The following ZNF507 variants were observed in gnomAD, a reference collection of about 807,000 sequenced individuals.
ZNF507 encodes the protein zinc finger protein 507.
In ZNF507, 29 loss-of-function variants were observed where a neutral mutation model predicts 80.0. The observed-to-expected ratio is 0.36, with a 90% confidence interval of 0.27 to 0.49. The LOEUF (loss-of-function observed/expected upper bound fraction) is 0.49. ZNF507 is among the 20% of genes least tolerant of loss of function. The pLI, the probability that ZNF507 is intolerant of heterozygous loss-of-function variation, is 0.98. For synonymous variants in ZNF507, 462 were observed against 422.5 expected, an observed-to-expected ratio of 1.09 and a Z score of -1.15; for missense variants, 1,081 against 1,152.2, an observed-to-expected ratio of 0.94 and a Z score of 0.90.
intron 5 of ZNF507, among the ~76,000 whole-genome samples, chr19:32,367,112 T>C (rs2085598211): frequency 6.6e-6 from 1 of 152,184 alleles, no homozygotes; most frequent in Non-Finnish European, 1.5e-5. Flanking sequence ...CTCAGGAGGC[T>C]TCCAGTCATG....
chr19:32,363,389 G>A (rs1256426366), intron 5 of ZNF507, among the ~76,000 whole-genome samples: 1 of 152,190 alleles, frequency 6.6e-6, no homozygotes. Flanking sequence ...CAAGTTTTCT[G>A]TAGTGGTGAA....
chr19:32,376,524 G>C (rs73565334), intron 5 of ZNF507, among the ~76,000 whole-genome samples: 142 of 152,300 alleles, frequency 9.3e-4, no homozygotes, highest in African/African-American at 3.2e-3. Context: ...CAGGACACGG[G>C]ACCCAACCAC....
At chr19:32,357,723 T>A (rs777407624) in intron 4 of ZNF507, 2 of 152,220 alleles carry the variant, frequency 1.3e-5, no homozygotes, top group Admixed American at 6.5e-5. Flanking sequence ...TTGTTTCCTT[T>A]TTACAAAATA....
intron 5 of ZNF507, among the ~76,000 whole-genome samples, chr19:32,380,861 T>C (rs1264111680): frequency 6.6e-6 from 1 of 151,966 alleles, no homozygotes; most frequent in African/African-American, 2.4e-5. Context: ...CCCGGGAGTT[T>C]GAGACTGTAG....
intron 3 of ZNF507, 66 bp downstream of exon 3, chr19:32,355,023 AGATCT>A (rs1967233792): frequency 2.8e-6 from 4 of 1,427,438 alleles, no homozygotes; most frequent in Non-Finnish European, 3.7e-6. Context: ...GGAACTTTGT[AGATCT>A]AATCCAATCA....
At chr19:32,346,796 A>G (rs150962414) in intron 1 of ZNF507, among the ~76,000 whole-genome samples, 1 of 152,376 alleles carries the variant, frequency 6.6e-6, no homozygotes, top group African/African-American at 2.4e-5. Flanking sequence ...CTGCGTTAGA[A>G]GATATATAGG....
intron 2 of ZNF507, among the ~76,000 whole-genome samples, chr19:32,347,705 A>T (rs1967114442): frequency 6.6e-6 from 1 of 151,994 alleles, no homozygotes. Flanking sequence ...CTAGACTTGC[A>T]CCTCATGGGC....
At chr19:32,349,272 G>T (rs1435462127) in intron 2 of ZNF507, among the ~76,000 whole-genome samples, 1 of 152,192 alleles carries the variant, frequency 6.6e-6, no homozygotes, top group Non-Finnish European at 1.5e-5. Flanking sequence ...AGAGGACAGG[G>T]GAGCCTAGTG....
chr19:32,347,157 T>C (rs1052233071), intron 1 of ZNF507, 88 bp from the exon 2 acceptor site: 1 of 152,274 alleles, frequency 6.6e-6, no homozygotes. Context: ...TATTGAGAAA[T>C]TTTTCACTGC....
rs1967191071 is a variant in ZNF507, at chr19:32,353,016, A to G, written c.186A>G (p.Lys62=). 1.9e-6 allele frequency: 3 copies of G among 1,613,856 alleles called. No individual in the cohort carries two copies. The African/African-American group carries it at 4.0e-5, about 22-fold the overall frequency. Residue 62 remains lysine (K), a synonymous_variant, in exon 3 of 7, where the codon AAA becomes AAG. Coordinates refer to ENST00000355898, the MANE Select transcript of ZNF507 (RefSeq NM_001136156.2). ...TAGTGGAAAATGAAAAGTCACAAAA[A>G]TGTCTTTTAATTGGGAAGAAACGCC... ...SKIVENEKSQ[K]CLLIGKKRPR...
Position 32,386,433 on chromosome 19 carries a change from T to C in ZNF507, c.*3350T>C, listed in dbSNP as rs551663942. The stretch of plus-strand genomic sequence containing the variant: ...GTGCTCTAAGTAATATTCGATAAAA[T>C]ATATTTAATAGAAATTTGCGTTTGA... On this transcript the variant is annotated 3_prime_UTR_variant, in exon 7 of 7. Coordinates refer to ENST00000355898, the MANE Select transcript of ZNF507 (RefSeq NM_001136156.2). The C allele has an allele frequency of 6.5e-6, 1 of 152,748 alleles. No individual in the cohort carries two copies. The highest frequency in any genetic ancestry group is 6.5e-5 in the Admixed American group (1 of 15,300). The allele number at this position is 152,748 out of a possible 1,614,324, so 9.5% of individuals were successfully genotyped here.
rs1967690148 is a variant in ZNF507 at position 32,386,391 on chromosome 19, T to A, written c.*3308T>A. The stretch of plus-strand genomic sequence containing the variant: ...TTTCATAGACACTTATTTAATCTTT[T>A]TAAATTGTACAGCAAGGTGCTCTAA... On this transcript the variant is annotated 3_prime_UTR_variant, in exon 7 of 7. Coordinates refer to ENST00000355898, the MANE Select transcript of ZNF507 (RefSeq NM_001136156.2). The A allele has an allele frequency of 6.6e-6, 1 of 152,626 alleles. No homozygotes were observed. The highest frequency in any genetic ancestry group is 1.9e-4 in the East Asian group (1 of 5,206). 9.5% of individuals were successfully genotyped at this position (152,626 alleles called of 1,614,324 possible). A position where few individuals can be genotyped will look rare whatever the true frequency, so the allele number is the denominator to read the frequency against.
In ZNF507 at chr19:32,360,521, C is replaced by T; in HGVS notation, c.2263C>T (p.Gln755Ter). ...TTGTCTAGGGAATAAGTCTTCAGTC[C>T]AGAAACAATATAGATGTGATGTGTG... is the stretch of plus-strand genomic sequence containing the variant. ...CVQEGNKSSV[Q>*]KQYRCDVCDY... The change falls in exon 5 of 7, where the codon CAG (glutamine) becomes TAG (stop). Residue 755 changes from glutamine to a stop codon, truncating the protein, a stop_gained. Coordinates refer to ENST00000355898, the MANE Select transcript of ZNF507 (RefSeq NM_001136156.2). LOFTEE classifies it high-confidence loss of function. 1 of 1,578,262 alleles carries T rather than the reference C, an allele frequency of 6.3e-7. No homozygotes were observed. The highest frequency in any genetic ancestry group is 8.6e-7 in the Non-Finnish European group (1 of 1,164,838).
chr19:32,364,030 C>T (rs752198960), intron 5 of ZNF507, among the ~76,000 whole-genome samples: 1 of 152,180 alleles, frequency 6.6e-6, no homozygotes, highest in Non-Finnish European at 1.5e-5. Context: ...AATACTTCCC[C>T]GCTCATAAGG....
chr19:32,386,408 G>A lies in ZNF507; in HGVS notation c.*3325G>A, dbSNP rs1175633380. ...TAATCTTTTTAAATTGTACAGCAAG[G>A]TGCTCTAAGTAATATTCGATAAAAT... is the stretch of plus-strand genomic sequence containing the variant. On this transcript the variant is annotated 3_prime_UTR_variant, in exon 7 of 7. Coordinates refer to ENST00000355898, the MANE Select transcript of ZNF507 (RefSeq NM_001136156.2). 6.6e-6 allele frequency: 1 copy of A among 152,600 alleles called. No homozygotes were observed. The highest frequency in any genetic ancestry group is 3.4e-3 in the Middle Eastern group (1 of 294). 9.5% of individuals were successfully genotyped at this position (152,600 alleles called of 1,614,324 possible).
At position 32,353,557 on chromosome 19, in the gene ZNF507, G is replaced by C. The variant is rs757124179; in HGVS notation, c.727G>C (p.Glu243Gln). 1.9e-6 allele frequency: 3 copies of C among 1,614,198 alleles called. No individual in the cohort carries two copies. The highest frequency in any genetic ancestry group is 2.5e-6 in the Non-Finnish European group (3 of 1,180,042). ...GGGTAGGAGGAAATGGTATGCATAC[G>C]AACAGTACGGCATGTATCGATGCTT... is the stretch of plus-strand genomic sequence containing the variant. ...EMGRRKWYAY[E>Q]QYGMYRCLFC... The change falls in exon 3 of 7, where the codon GAA becomes CAA. Residue 243 changes from glutamate to glutamine, a missense_variant. Around this residue, in one of 6 missense-constraint regions of ZNF507, gnomAD observed 275 missense variants for 303.9 expected, o/e 0.90. Coordinates refer to ENST00000355898, the MANE Select transcript of ZNF507 (RefSeq NM_001136156.2).
intron 5 of ZNF507, among the ~76,000 whole-genome samples, chr19:32,361,399 T>G (rs1412054949): frequency 1.3e-5 from 2 of 152,128 alleles, no homozygotes; most frequent in Non-Finnish European, 2.9e-5. Context: ...TACAAGTGAG[T>G]GTGGGAAAGT....
At chr19:32,367,976 G>A (rs1018237401) in intron 5 of ZNF507, among the ~76,000 whole-genome samples, 1 of 152,178 alleles carries the variant, frequency 6.6e-6, no homozygotes, top group African/African-American at 2.4e-5. Flanking sequence ...CAGTACTTAG[G>A]AATATTACTA....
At chr19:32,361,414 G>A (rs1471920272) in intron 5 of ZNF507, among the ~76,000 whole-genome samples, 1 of 152,142 alleles carries the variant, frequency 6.6e-6, no homozygotes, top group Non-Finnish European at 1.5e-5. Context: ...GAAAGTTATT[G>A]TATTAATCTC....
Sources: gnomAD v4.1 joint callset for allele counts (sites outside exome capture counted in the v4.1 genomes callset) on GRCh38, gnomAD v4.1.1 for gene constraint, gnomAD v4.1.1 regional missense constraint, MANE v1.5 for transcripts, NCBI Gene and HGNC (gene_info 2026-07-23, HGNC 2026-07-21) for gene names.